Variants in CFAP58 observed in about 807,000 individuals in gnomAD.
CFAP58 encodes cilia and flagella associated protein 58.
CFAP58 carries 88 observed loss-of-function variants against 119.5 expected under a neutral mutation model. The ratio of observed to expected loss-of-function variants is 0.74; its 90% CI spans 0.62 to 0.88. The LOEUF (loss-of-function observed/expected upper bound fraction) is 0.88. CFAP58 is among the 40% of genes least tolerant of loss of function. The pLI is 0.00. For synonymous variants in CFAP58, 365 were observed against 366.3 expected (o/e 1.00, Z 0.04); for missense variants, 990 against 1,021.2 (o/e 0.97, Z 0.42).
At chr10:104,429,418 T>C (rs1589933148) in intron 15 of CFAP58, among the ~76,000 whole-genome samples, 1 of 152,284 alleles carries the variant, frequency 6.6e-6, no homozygotes, top group East Asian at 1.9e-4. Flanking sequence ...ACATTCATAT[T>C]CAACTAGCTG....
At chr10:104,390,295 T>C (rs2012006302) in intron 9 of CFAP58, among the ~76,000 whole-genome samples, 1 of 152,162 alleles carries the variant, frequency 6.6e-6, no homozygotes, top group Non-Finnish European at 1.5e-5. Context: ...TATGCAACCT[T>C]TAAAGAGAAT....
chr10:104,447,625 C>A, intron 15 of CFAP58, 73 bp from the exon 16 acceptor site: 1 of 1,575,816 alleles, frequency 6.3e-7, no homozygotes, highest in African/African-American at 1.3e-5. Flanking sequence ...ATTGTGCTGG[C>A]CATGCAGTGA....
upstream of CFAP58, chr10:104,351,738 G>A (rs540618940): frequency 6.6e-6 from 1 of 152,196 alleles, no homozygotes; most frequent in South Asian, 2.1e-4. Flanking sequence ...AAAAAATGAT[G>A]GGAGAATACC....
chr10:104,351,000 T>G (rs2014453279), upstream of CFAP58, among the ~76,000 whole-genome samples: 1 of 152,218 alleles, frequency 6.6e-6, no homozygotes, highest in South Asian at 2.1e-4. Flanking sequence ...TAGGTCTTTA[T>G]TTTTGTTATA....
At chr10:104,444,644 A>G (rs924103874) in intron 15 of CFAP58, among the ~76,000 whole-genome samples, 6 of 152,214 alleles carry the variant, frequency 3.9e-5, no homozygotes, top group Non-Finnish European at 7.3e-5. Context: ...AGTCTGTATG[A>G]TACACAAGGC....
At chr10:104,453,506 T>G (rs2013226633) in intron 17 of CFAP58, among the ~76,000 whole-genome samples, 1 of 152,292 alleles carries the variant, frequency 6.6e-6, no homozygotes, top group African/African-American at 2.4e-5. Context: ...CCAAACTGCA[T>G]CTGCCACTTC....
the CFAP58 span, among the ~76,000 whole-genome samples, chr10:104,340,563 T>C: frequency 6.6e-6 from 1 of 152,168 alleles, no homozygotes; most frequent in African/African-American, 2.4e-5. Context: ...GAAATGTTTT[T>C]TAAAAGATAG....
At chr10:104,393,520 C>T (rs1156824593) in intron 11 of CFAP58, 45 bp downstream of exon 11, 2 of 1,562,582 alleles carry the variant, frequency 1.3e-6, no homozygotes, top group Admixed American at 1.8e-5. Flanking sequence ...GTTCATCAGC[C>T]CGCTCAGGCG....
the CFAP58 span, among the ~76,000 whole-genome samples, chr10:104,345,160 A>C: frequency 6.6e-6 from 1 of 151,992 alleles, no homozygotes; most frequent in African/African-American, 2.4e-5. Flanking sequence ...AAAAAACAAA[A>C]ACAAAAAGCT....
intron 15 of CFAP58, among the ~76,000 whole-genome samples, chr10:104,427,541 G>A (rs946967732): frequency 6.6e-6 from 1 of 152,236 alleles, no homozygotes; most frequent in African/African-American, 2.4e-5. Context: ...ATTTCGCAAA[G>A]CACTCCTACC....
At chr10:104,445,243 A>AGT (rs1378212447) in intron 15 of CFAP58, among the ~76,000 whole-genome samples, 2 of 149,970 alleles carry the variant, frequency 1.3e-5, no homozygotes, top group African/African-American at 4.9e-5. Context: ...AGATTGCTTG[A>AGT]GTCCAGGAGG....
intron 7 of CFAP58, among the ~76,000 whole-genome samples, chr10:104,372,326 C>T (rs2014835395): frequency 6.6e-6 from 1 of 151,688 alleles, no homozygotes; most frequent in Non-Finnish European, 1.5e-5. Context: ...GCACTCCAGC[C>T]TGGGTGACAC....
At chr10:104,435,406 C>T (rs1205898491) in intron 15 of CFAP58, among the ~76,000 whole-genome samples, 2 of 152,098 alleles carry the variant, frequency 1.3e-5, no homozygotes, top group East Asian at 1.9e-4. Context: ...CTCTTGAACC[C>T]GGGAGGTGGA....
chr10:104,402,362 C>T (rs1048998656), intron 13 of CFAP58, among the ~76,000 whole-genome samples: 1 of 152,188 alleles, frequency 6.6e-6, no homozygotes, highest in Non-Finnish European at 1.5e-5. Flanking sequence ...CTCTGAGCGC[C>T]CTGTTGAGTG....
intron 15 of CFAP58, among the ~76,000 whole-genome samples, chr10:104,436,057 T>C (rs908130001): frequency 6.6e-6 from 1 of 152,156 alleles, no homozygotes; most frequent in Non-Finnish European, 1.5e-5. Flanking sequence ...TGCTCTTGCA[T>C]CTGCTTCCAA....
chr10:104,361,911 A>C, intron 2 of CFAP58, 112 bp from the exon 3 acceptor site: 1 of 999,590 alleles, frequency 1.0e-6, no homozygotes, highest in East Asian at 2.5e-5. Context: ...CAATTTAGTC[A>C]ATGCACATTT....
At chr10:104,438,308 T>C (rs1286084988) in intron 15 of CFAP58, among the ~76,000 whole-genome samples, 1 of 151,638 alleles carries the variant, frequency 6.6e-6, no homozygotes, top group East Asian at 1.9e-4. Flanking sequence ...AGTATGCAAA[T>C]CAATGGGAAT....
intron 1 of CFAP58, among the ~76,000 whole-genome samples, chr10:104,357,998 C>CATATATACATATGT (rs1235049964): frequency 3.0e-5 from 4 of 132,558 alleles, no homozygotes; most frequent in East Asian, 4.5e-4. Flanking sequence ...CATATATGTA[C>CATATATACATATGT]ACATATATAC....
chr10:104,357,968 CACAT>C (rs2014603343), intron 1 of CFAP58, among the ~76,000 whole-genome samples: 2 of 104,604 alleles, frequency 1.9e-5, no homozygotes, highest in African/African-American at 1.3e-4. Flanking sequence ...CATATATGTA[CACAT>C]ATGTACATAT....
Sources: allele counts gnomAD v4.1 joint callset (sites outside exome capture counted in the v4.1 genomes callset), GRCh38; gene constraint gnomAD v4.1.1; transcripts MANE v1.5; gene names NCBI Gene and HGNC (gene_info 2026-07-23, HGNC 2026-07-21).